Variants in CAMTA1 observed in about 807,000 individuals in gnomAD.
The protein encoded by CAMTA1 is calmodulin binding transcription activator 1.
In CAMTA1, 27 loss-of-function variants were observed where a neutral mutation model predicts 170.9. That is an observed-to-expected ratio of 0.16 (90% CI 0.12 to 0.22). CAMTA1 has a LOEUF of 0.22. Among genes scored for constraint, CAMTA1 ranks in the 10% least tolerant of loss-of-function variants. The probability of loss-of-function intolerance (pLI) is 1.00; values close to 1 mark genes in which losing one functional copy is unlikely to be tolerated. For synonymous variants in CAMTA1, 833 were observed against 891.5 expected (o/e 0.93, Z 1.17); for missense variants, 1,619 against 2,217.2 (o/e 0.73, Z 5.42).
intron 3 of CAMTA1, among the ~76,000 whole-genome samples, chr1:6,972,836 C>A (rs779458713): frequency 6.6e-6 from 1 of 151,442 alleles, no homozygotes; most frequent in Non-Finnish European, 1.5e-5. Context: ...TTTTTCCTTT[C>A]CTTTTCCTTT....
intron 3 of CAMTA1, among the ~76,000 whole-genome samples, chr1:7,035,773 G>A (rs932474217): frequency 6.6e-6 from 1 of 152,224 alleles, no homozygotes; most frequent in Non-Finnish European, 1.5e-5. Context: ...AGAGACATGA[G>A]CAAGAATGTT....
intron 11 of CAMTA1, among the ~76,000 whole-genome samples, chr1:7,704,985 G>T (rs1378516457): frequency 2.5e-5 from 2 of 78,718 alleles, no homozygotes; most frequent in South Asian, 5.5e-4. Flanking sequence ...GGGCGGGGCC[G>T]GGGCGTGGGG....
At position 7,736,850 on chromosome 1, in the gene CAMTA1, T is replaced by G; in HGVS notation, c.3264-81T>G. ...GTTATATACCCAGTTGGGTTTCATCTTGGTGGGGTTTTATAATATTCTGGT... is the reference window on the plus strand; with the variant it reads ...GTTATATACCCAGTTGGGTTTCATCGTGGTGGGGTTTTATAATATTCTGGT... On this transcript the variant is annotated intron_variant, in intron 13 of 22. Transcript: ENST00000303635. The surrounding 1 kb of genome is among the most constrained non-coding windows in gnomAD (Gnocchi z 4.5). 8.6e-7 allele frequency: 1 copy of G among 1,168,346 alleles called. No homozygotes were observed. Among genetic ancestry groups the G allele is most frequent in the Non-Finnish European group, 1.3e-6 (1 of 794,816 alleles). The allele number at this position is 1,168,346 out of a possible 1,614,324, so 72.4% of individuals were successfully genotyped here. A position where few individuals can be genotyped will look rare whatever the true frequency, so the allele number is the denominator to read the frequency against.
At chr1:7,128,799 C>T (rs1479144143) in intron 4 of CAMTA1, among the ~76,000 whole-genome samples, 3 of 140,658 alleles carry the variant, frequency 2.1e-5, no homozygotes, top group South Asian at 2.4e-4. Flanking sequence ...GGATTACAGG[C>T]GTGTGCCACC....
chr1:7,329,447 T>G (rs1306669983), intron 5 of CAMTA1, among the ~76,000 whole-genome samples: 1 of 152,334 alleles, frequency 6.6e-6, no homozygotes, highest in African/African-American at 2.4e-5. Flanking sequence ...TCTAAAATTC[T>G]TTTAAAATTT....
At chr1:7,452,557 C>T (rs188200000) in intron 5 of CAMTA1, among the ~76,000 whole-genome samples, 2 of 152,320 alleles carry the variant, frequency 1.3e-5, no homozygotes, top group Admixed American at 6.5e-5. Flanking sequence ...TAGCGACCAC[C>T]AATCTGCATT....
intron 5 of CAMTA1, among the ~76,000 whole-genome samples, chr1:7,392,704 C>T (rs1291902810): frequency 6.6e-6 from 1 of 151,970 alleles, no homozygotes; most frequent in Non-Finnish European, 1.5e-5. Flanking sequence ...CAAAACCCGT[C>T]TCTACTAAAA....
Position 7,635,330 on chromosome 1 carries a change from G to A in CAMTA1, c.511-5070G>A, listed in dbSNP as rs1012659838. On this transcript the variant is annotated intron_variant, in intron 6 of 22. Transcript: ENST00000303635. The surrounding 1 kb of genome is among the most constrained non-coding windows in gnomAD (Gnocchi z 4.4). ...CTGTCCAGAATCAAGGATCCGGGCCGGGCGTGGTGGCTCACGCCTGTAATC... is the reference window on the plus strand; with the variant it reads ...CTGTCCAGAATCAAGGATCCGGGCCAGGCGTGGTGGCTCACGCCTGTAATC... 2.0e-5 allele frequency among the ~76,000 whole-genome samples: 3 copies of A among 152,148 alleles called. No individual in the cohort carries two copies. The East Asian group carries it at 5.8e-4, about 29-fold the overall frequency.
rs140055514 is a variant in CAMTA1 at position 7,128,219 on chromosome 1, G to A, written c.302+36848G>A. 6.6e-3 allele frequency among the ~76,000 whole-genome samples: 1,010 copies of A among 152,156 alleles called. 6 individuals are homozygous for A. The highest frequency in any genetic ancestry group is 0.017 in the Middle Eastern group (5 of 294). ...CCTGTGCCCGGTTTCCCCCTACCTC[G>A]CCCATGTGCCCTTCCCTTGGCTCAT... is the stretch of plus-strand genomic sequence containing the variant. On this transcript the variant is annotated intron_variant, in intron 4 of 22. Transcript: ENST00000303635.
intron 1 of CAMTA1, among the ~76,000 whole-genome samples, chr1:6,786,202 C>T (rs1029851937): frequency 5.3e-5 from 8 of 152,012 alleles, no homozygotes; most frequent in Admixed American, 3.9e-4. Context: ...AGGGGGACCC[C>T]GTCCTGCCGA....
intron 11 of CAMTA1, among the ~76,000 whole-genome samples, chr1:7,686,860 A>C (rs1030586303): frequency 1.3e-5 from 2 of 152,084 alleles, no homozygotes; most frequent in African/African-American, 4.8e-5. Flanking sequence ...AGAACGAGAG[A>C]GGACAATGAG....
At chr1:6,899,554 G>GCACACACACACACACACA (rs70984034) in intron 3 of CAMTA1, among the ~76,000 whole-genome samples, 21 of 141,086 alleles carry the variant, frequency 1.5e-4, no homozygotes, top group South Asian at 4.4e-4. Context: ...ACGCGCGCGC[G>GCACACACACACACACACA]CACACACACA....
At chr1:7,153,089 T>G (rs955985262) in intron 4 of CAMTA1, among the ~76,000 whole-genome samples, 2 of 152,196 alleles carry the variant, frequency 1.3e-5, no homozygotes, top group African/African-American at 2.4e-5. Flanking sequence ...GATATTGAAT[T>G]GCGGTGGTTT....
intron 4 of CAMTA1, among the ~76,000 whole-genome samples, chr1:7,163,513 C>T (rs1322554068): frequency 6.6e-6 from 1 of 152,142 alleles, no homozygotes; most frequent in East Asian, 1.9e-4. Flanking sequence ...TATGGAATGG[C>T]ACCGGCTTCC....
At position 7,732,334 on chromosome 1, in the gene CAMTA1, T is replaced by G; in HGVS notation, c.2915-114T>G. The G allele has an allele frequency of 3.6e-6, 3 of 831,788 alleles. No individual in the cohort carries two copies. Among genetic ancestry groups the G allele is most frequent in the South Asian group, 1.6e-5 (1 of 63,606 alleles). 51.5% of individuals were successfully genotyped at this position (831,788 alleles called of 1,614,324 possible). The stretch of plus-strand genomic sequence containing the variant: ...CTCTGGCTGGCGGAGACCTCTCTGG[T>G]TTGGTGAAGTTACGGACGGCATTTG... On this transcript the variant is annotated intron_variant, in intron 11 of 22. Coordinates refer to ENST00000303635, the MANE Select transcript of CAMTA1 (RefSeq NM_015215.4). The surrounding 1 kb of genome is among the most constrained non-coding windows in gnomAD (Gnocchi z 4.1).
intron 3 of CAMTA1, among the ~76,000 whole-genome samples, chr1:6,978,664 A>C (rs1341042037): frequency 1.3e-5 from 2 of 149,244 alleles, no homozygotes; most frequent in African/African-American, 4.9e-5. Flanking sequence ...TTAATATTAT[A>C]TTTTTATATT....
intron 3 of CAMTA1, among the ~76,000 whole-genome samples, chr1:7,087,554 G>A (rs1269968976): frequency 6.6e-6 from 1 of 152,204 alleles, no homozygotes; most frequent in African/African-American, 2.4e-5. Flanking sequence ...CACTGTGGCT[G>A]TCCCTTCTGA....
At chr1:7,718,522 T>C (rs1184730723) in intron 11 of CAMTA1, among the ~76,000 whole-genome samples, 1 of 151,910 alleles carries the variant, frequency 6.6e-6, no homozygotes, top group Non-Finnish European at 1.5e-5. Context: ...GGTTAGATCA[T>C]TCATTGTTCA....
Position 6,788,814 on chromosome 1 carries a change from G to A in CAMTA1, c.45+3239G>A, listed in dbSNP as rs145356027. On this transcript the variant is annotated intron_variant, in intron 1 of 22. Transcript: ENST00000303635. The stretch of plus-strand genomic sequence containing the variant: ...CACTTGAGGTTATTGTCTGAAGCTG[G>A]GCCCTTTTTCTTGAGTTTGATGTGG... Among the ~76,000 whole-genome samples the A allele has an allele frequency of 7.9e-4, 120 of 152,220 alleles. 1 individual carries two copies. Among genetic ancestry groups the A allele is most frequent in the African/African-American group, 2.9e-3 (119 of 41,560 alleles).
Sources: gnomAD v4.1 joint callset for allele counts (sites outside exome capture counted in the v4.1 genomes callset) on GRCh38, gnomAD v4.1.1 for gene constraint, Gnocchi (gnomAD v3.1) non-coding constraint, MANE v1.5 for transcripts, NCBI Gene and HGNC (gene_info 2026-07-23, HGNC 2026-07-21) for gene names.